TENM3: variants seen among roughly 807,000 people sequenced by gnomAD.
TENM3 encodes teneurin-3.
In TENM3, 63 loss-of-function variants were observed where a neutral mutation model predicts 255.1. That is an observed-to-expected ratio of 0.25 (90% CI 0.20 to 0.30). TENM3 has a LOEUF of 0.30. TENM3 is among the 10% of genes least tolerant of loss of function. The pLI, the probability that TENM3 is intolerant of heterozygous loss-of-function variation, is 1.00. For missense variants in TENM3, 2,929 were observed against 3,461.1 expected (o/e 0.85, Z 3.86); for synonymous variants, 1,306 against 1,322.3 (o/e 0.99, Z 0.27).
At chr4:181,906,416 C>G in the TENM3 span, 1 of 204,646 alleles carries the variant, frequency 4.9e-6, no homozygotes, top group Non-Finnish European at 1.1e-5. Context: ...TTCAGTTTAT[C>G]TACTTTGTAG....
At chr4:182,127,722 ACT>A in the TENM3 span, among the ~76,000 whole-genome samples, 15 of 152,214 alleles carry the variant, frequency 9.9e-5, no homozygotes, top group Middle Eastern at 3.4e-3. Flanking sequence ...TTACTGAAAG[ACT>A]CTTTTTCAAA....
At chr4:181,664,935 G>T in the TENM3 span, among the ~76,000 whole-genome samples, 1 of 152,106 alleles carries the variant, frequency 6.6e-6, no homozygotes, top group African/African-American at 2.4e-5. Context: ...TTTTTAAAAA[G>T]CGAGATCACA....
At chr4:181,467,123 A>T in the TENM3 span, among the ~76,000 whole-genome samples, 151 of 17,894 alleles carry the variant, frequency 8.4e-3, 2 homozygotes, top group Admixed American at 0.03. Flanking sequence ...ATATATATAT[A>T]TATTTTTTTT....
intron 1 of TENM3, among the ~76,000 whole-genome samples, chr4:182,154,108 A>G (rs1750529112): frequency 6.6e-6 from 1 of 152,108 alleles, no homozygotes; most frequent in African/African-American, 2.4e-5. Context: ...AGGAGTAGAT[A>G]TAAATTATTA....
chr4:182,630,887 G>T (rs940205830), intron 5 of TENM3, among the ~76,000 whole-genome samples: 4 of 151,932 alleles, frequency 2.6e-5, no homozygotes, highest in Non-Finnish European at 5.9e-5. Flanking sequence ...TGTGCTTCCA[G>T]TTGTTAAATA....
the TENM3 span, among the ~76,000 whole-genome samples, chr4:181,811,893 G>A: frequency 1.4e-3 from 210 of 152,298 alleles, no homozygotes; most frequent in African/African-American, 4.4e-3. Flanking sequence ...CTTCATTGCC[G>A]TGAATACTTA....
intron 1 of TENM3, among the ~76,000 whole-genome samples, chr4:182,222,529 T>A (rs1309858961): frequency 6.6e-6 from 1 of 152,208 alleles, no homozygotes; most frequent in East Asian, 1.9e-4. Context: ...AGGAAATGTG[T>A]TAATACACAT....
At chr4:181,522,100 CAAAAAAAAA>C in the TENM3 span, among the ~76,000 whole-genome samples, 331 of 54,708 alleles carry the variant, frequency 6.1e-3, 2 homozygotes, top group African/African-American at 0.025. Flanking sequence ...GACTCCGTCT[CAAAAAAAAA>C]AAAAAAAAAA....
chr4:181,945,780 T>C, the TENM3 span, among the ~76,000 whole-genome samples: 1 of 152,130 alleles, frequency 6.6e-6, no homozygotes, highest in Admixed American at 6.5e-5. Context: ...AACAGAAGTT[T>C]TCCTTGACTC....
chr4:182,492,663 ACTT>A (rs1735414462), intron 3 of TENM3, among the ~76,000 whole-genome samples: 1 of 152,124 alleles, frequency 6.6e-6, no homozygotes, highest in Admixed American at 6.6e-5. Context: ...CCTATTCTGA[ACTT>A]CTTATCTGTG....
At chr4:181,692,040 G>T in the TENM3 span, among the ~76,000 whole-genome samples, 1 of 152,090 alleles carries the variant, frequency 6.6e-6, no homozygotes, top group African/African-American at 2.4e-5. Context: ...ATAAATCCAG[G>T]TATTTAGGCT....
the TENM3 span, among the ~76,000 whole-genome samples, chr4:181,605,522 GAAA>G: frequency 2.2e-4 from 4 of 18,358 alleles, no homozygotes; most frequent in South Asian, 9.5e-3. Flanking sequence ...AAGAAAGAAA[GAAA>G]GAAAGAAAGA....
the TENM3 span, among the ~76,000 whole-genome samples, chr4:181,817,062 T>C: frequency 6.6e-6 from 1 of 152,234 alleles, no homozygotes. Flanking sequence ...GACTCCACTC[T>C]AAATTCATGC....
the TENM3 span, among the ~76,000 whole-genome samples, chr4:181,748,668 G>T: frequency 6.6e-6 from 1 of 152,056 alleles, no homozygotes; most frequent in Non-Finnish European, 1.5e-5. Context: ...AAAAAAGTAA[G>T]TTGTAAAAAT....
intron 1 of TENM3, among the ~76,000 whole-genome samples, chr4:182,209,719 T>TAGGA (rs774707815): frequency 6.6e-6 from 1 of 152,194 alleles, no homozygotes; most frequent in East Asian, 1.9e-4. Flanking sequence ...AGTAGCTGAA[T>TAGGA]AGGACCTTGC....
At chr4:181,573,468 G>GATTT in the TENM3 span, among the ~76,000 whole-genome samples, 3 of 151,912 alleles carry the variant, frequency 2.0e-5, no homozygotes, top group Non-Finnish European at 2.9e-5. Context: ...AAAGCCACAT[G>GATTT]ACTAATGATT....
chr4:182,359,868 A>G (rs1217590328), intron 3 of TENM3, among the ~76,000 whole-genome samples: 1 of 149,134 alleles, frequency 6.7e-6, no homozygotes, highest in Admixed American at 6.7e-5. Context: ...AGTGCTATAA[A>G]TTTCCCTCTA....
the TENM3 span, among the ~76,000 whole-genome samples, chr4:181,800,563 G>A: frequency 1.3e-5 from 2 of 152,232 alleles, no homozygotes; most frequent in South Asian, 4.1e-4. Flanking sequence ...AACCCGGGAG[G>A]TGGAGGTTGC....
intron 3 of TENM3, among the ~76,000 whole-genome samples, chr4:182,422,680 A>G (rs887041468): frequency 6.6e-6 from 1 of 152,216 alleles, no homozygotes; most frequent in East Asian, 1.9e-4. Flanking sequence ...TATTGGGATC[A>G]ACCTTTGGGA....
Sources: allele counts gnomAD v4.1 joint callset (sites outside exome capture counted in the v4.1 genomes callset), GRCh38; gene constraint gnomAD v4.1.1; transcripts MANE v1.5; gene names NCBI Gene and HGNC (gene_info 2026-07-23, HGNC 2026-07-21).